SP2: variants seen among roughly 807,000 people sequenced by gnomAD.
The protein encoded by SP2 is transcription factor Sp2.
A neutral mutation model predicts 50.1 loss-of-function variants in SP2; 9 were observed. The ratio of observed to expected loss-of-function variants is 0.18; its 90% CI spans 0.11 to 0.31. SP2 has a LOEUF of 0.31. Ranked by LOEUF, SP2 falls within the 10% of genes least tolerant of loss-of-function variation. The probability of loss-of-function intolerance (pLI) is 1.00; values close to 1 mark genes in which losing one functional copy is unlikely to be tolerated. For synonymous variants in SP2, 313 were observed against 326.6 expected, an observed-to-expected ratio of 0.96 and a Z score of 0.45; for missense variants, 581 against 806.5, an observed-to-expected ratio of 0.72 and a Z score of 3.39.
intron 1 of SP2, among the ~76,000 whole-genome samples, chr17:47,911,254 T>C (rs565008430): frequency 6.6e-6 from 1 of 151,912 alleles, no homozygotes; most frequent in Admixed American, 6.6e-5. Context: ...AATAAATCTT[T>C]GTTTTGGCTG....
intron 1 of SP2, among the ~76,000 whole-genome samples, chr17:47,896,799 C>A (rs1184432575): frequency 1.3e-5 from 2 of 152,206 alleles, no homozygotes; most frequent in Non-Finnish European, 2.9e-5. Flanking sequence ...GCTTGAGACC[C>A]GGACGCTGCC....
At chr17:47,927,419 G>A (rs931621930) in intron 6 of SP2, among the ~76,000 whole-genome samples, 12 of 151,526 alleles carry the variant, frequency 7.9e-5, no homozygotes, top group African/African-American at 2.9e-4. Flanking sequence ...TGTAGTCCCA[G>A]CTATTTGAGA....
intron 5 of SP2, 117 bp downstream of exon 5, chr17:47,925,210 T>G: frequency 7.0e-7 from 1 of 1,430,634 alleles, no homozygotes; most frequent in Middle Eastern, 2.3e-4. Context: ...CTGGCAGCTC[T>G]GTGCCACCTT....
Position 47,923,065 on chromosome 17 carries a change from C to A in SP2, c.1163C>A (p.Ala388Glu). The change falls in exon 4 of 7, where the codon GCA (alanine) becomes GAA (glutamate). Residue 388 changes from alanine to glutamate, a missense_variant. Physicochemically the swap from Ala to Glu is moderately radical, Grantham distance 107. Transcript: ENST00000376741. ...ATSNTTCSSP[A>E]SRAPHLSGTS... ...TCTAACACCACCTGTAGCAGCCCTG[C>A]ATCCCGTGCTCCCCATCTGAGTGGG... 6.2e-7 allele frequency: 1 copy of A among 1,614,240 alleles called. No homozygotes were observed. Among genetic ancestry groups the A allele is most frequent in the South Asian group, 1.1e-5 (1 of 91,090 alleles).
downstream of SP2, among the ~76,000 whole-genome samples, chr17:47,930,905 A>G (rs1263950591): frequency 3.9e-5 from 6 of 151,930 alleles, no homozygotes; most frequent in Non-Finnish European, 7.4e-5. Context: ...CTAGGATTCC[A>G]TGCCTGGAAG....
At chr17:47,915,971 C>A (rs2035185058) in intron 2 of SP2, among the ~76,000 whole-genome samples, 185 bp from the exon 3 acceptor site, 2 of 152,126 alleles carry the variant, frequency 1.3e-5, no homozygotes, top group Admixed American at 1.3e-4. Flanking sequence ...TTCTCCCTCA[C>A]TTAATGGAGA....
At chr17:47,914,108 C>T (rs977296389) in intron 1 of SP2, among the ~76,000 whole-genome samples, 3 of 152,116 alleles carry the variant, frequency 2.0e-5, no homozygotes, top group Admixed American at 6.5e-5. Flanking sequence ...TGGTGGCTCA[C>T]GCCTGTAATC....
At chr17:47,903,889 G>A (rs1193162390) in intron 1 of SP2, among the ~76,000 whole-genome samples, 1 of 152,054 alleles carries the variant, frequency 6.6e-6, no homozygotes, top group Non-Finnish European at 1.5e-5. Context: ...ACTTGAACCC[G>A]GGAGACGGAG....
chr17:47,923,752 T>TG (rs2035548758), intron 4 of SP2, among the ~76,000 whole-genome samples: 1 of 150,752 alleles, frequency 6.6e-6, no homozygotes, highest in Non-Finnish European at 1.5e-5. Context: ...CCTTAATGAA[T>TG]TTTTTTTTTG....
At chr17:47,905,215 T>C (rs1226617138) in intron 1 of SP2, among the ~76,000 whole-genome samples, 1 of 152,248 alleles carries the variant, frequency 6.6e-6, no homozygotes, top group East Asian at 1.9e-4. Context: ...AGGTCCAACT[T>C]TGTTCTCTAA....
chr17:47,899,756 C>T (rs2034466691), intron 1 of SP2: 1 of 152,230 alleles, frequency 6.6e-6, no homozygotes. Flanking sequence ...GCCACTGGCA[C>T]AGGGGAATAC....
At chr17:47,930,725 C>A (rs1303834792), downstream of SP2, among the ~76,000 whole-genome samples, 1 of 152,188 alleles carries the variant, frequency 6.6e-6, no homozygotes, top group Non-Finnish European at 1.5e-5. Context: ...ACACCTGATC[C>A]TGATGGGCCC....
chr17:47,916,036 C>A lies in SP2; in HGVS notation c.85-120C>A. 2 of 1,200,230 alleles carry A rather than the reference C, an allele frequency of 1.7e-6. No individual in the cohort carries two copies. The highest frequency in any genetic ancestry group is 2.3e-6 in the Non-Finnish European group (2 of 857,494). The allele number at this position is 1,200,230 out of a possible 1,614,324, so 74.3% of individuals were successfully genotyped here. ...AGCAGGGGAGGGTACTGGCAACATG[C>A]CTGCCCCGGAGGTGGGGAAGACTGG... On this transcript the variant is annotated intron_variant, in intron 2 of 6. Coordinates refer to ENST00000376741, the MANE Select transcript of SP2 (RefSeq NM_003110.6). The surrounding 1 kb of genome is among the most constrained non-coding windows in gnomAD (Gnocchi z 4.7).
intron 1 of SP2, among the ~76,000 whole-genome samples, chr17:47,908,961 A>C (rs950125231): frequency 1.3e-5 from 2 of 152,212 alleles, no homozygotes; most frequent in Admixed American, 6.5e-5. Context: ...ATTCCAGAGA[A>C]GGGAGAACAT....
intron 4 of SP2, 67 bp from the exon 5 acceptor site, chr17:47,924,852 G>A (rs904507377): frequency 7.1e-6 from 10 of 1,411,250 alleles, no homozygotes; most frequent in Non-Finnish European, 8.7e-6. Flanking sequence ...TGTGCAGAAG[G>A]GCAGAAGGGT....
Position 47,922,257 on chromosome 17 carries a change from C to T in SP2, c.1060-705C>T, listed in dbSNP as rs535805145. On this transcript the variant is annotated intron_variant, in intron 3 of 6. Transcript: ENST00000376741. ...GCCATTCCCTACCCACCACGGACACCCTCCTCCCCGCTACAAATGCCCTCC... is the reference window on the plus strand; with the variant it reads ...GCCATTCCCTACCCACCACGGACACTCTCCTCCCCGCTACAAATGCCCTCC... 2.6e-5 allele frequency among the ~76,000 whole-genome samples: 4 copies of T among 152,238 alleles called. No homozygotes were observed. In the East Asian group the frequency reaches 7.7e-4, roughly 29 times the overall value.
chr17:47,897,319 A>T (rs781748107), intron 1 of SP2: 1 of 152,200 alleles, frequency 6.6e-6, no homozygotes, highest in Non-Finnish European at 1.5e-5. Context: ...TTTGATTGCA[A>T]TATCCTGTCA....
intron 1 of SP2, among the ~76,000 whole-genome samples, chr17:47,909,105 C>G (rs2143862040): frequency 6.6e-6 from 1 of 152,320 alleles, no homozygotes; most frequent in Middle Eastern, 3.4e-3. Context: ...GCACCCTGAC[C>G]ACAACCATTG....
chr17:47,899,886 G>T (rs1016301539), intron 1 of SP2: 1 of 152,282 alleles, frequency 6.6e-6, no homozygotes. Context: ...GCAGCTCCAA[G>T]CAGTGCTGAG....
Sources: allele counts gnomAD v4.1 joint callset (sites outside exome capture counted in the v4.1 genomes callset), GRCh38; gene constraint gnomAD v4.1.1; non-coding constraint Gnocchi (gnomAD v3.1); transcripts MANE v1.5; gene names NCBI Gene and HGNC (gene_info 2026-07-23, HGNC 2026-07-21).